Variants in SPAG16 observed in about 807,000 individuals in gnomAD.
SPAG16 encodes the protein sperm associated antigen 16.
SPAG16 carries 86 observed loss-of-function variants against 80.4 expected under a neutral mutation model. That is an observed-to-expected ratio of 1.07 (90% CI 0.90 to 1.28). The LOEUF is 1.28. Among genes scored for constraint, SPAG16 ranks in the 50% most tolerant of loss-of-function variants. The pLI is 0.00. For synonymous variants in SPAG16, 294 were observed against 265.9 expected, an observed-to-expected ratio of 1.11 and a Z score of -1.03; for missense variants, 870 against 765.3, an observed-to-expected ratio of 1.14 and a Z score of -1.61.
At chr2:213,343,387 T>C (rs979079031) in intron 6 of SPAG16, among the ~76,000 whole-genome samples, 1 of 152,148 alleles carries the variant, frequency 6.6e-6, no homozygotes, top group African/African-American at 2.4e-5. Flanking sequence ...GGAAATTAAC[T>C]GTCTGTCAGA....
At chr2:213,877,522 G>T (rs116356371) in intron 11 of SPAG16, among the ~76,000 whole-genome samples, 2,184 of 152,154 alleles carry the variant, frequency 0.014, 42 homozygotes, top group African/African-American at 0.049. Flanking sequence ...ACTATATTGT[G>T]CAAGCTAATC....
intron 15 of SPAG16, among the ~76,000 whole-genome samples, chr2:214,393,496 A>G (rs886106591): frequency 1.7e-4 from 26 of 152,086 alleles, no homozygotes; most frequent in African/African-American, 6.0e-4. Context: ...TTTCAGGTCT[A>G]AAAAATTTTT....
chr2:213,423,744 A>G (rs563362031), intron 9 of SPAG16, among the ~76,000 whole-genome samples: 1 of 152,230 alleles, frequency 6.6e-6, no homozygotes. Flanking sequence ...AGGTAAAAAT[A>G]CTAAAGCCCA....
intron 10 of SPAG16, among the ~76,000 whole-genome samples, chr2:213,841,886 T>A (rs2074380192): frequency 6.6e-6 from 1 of 152,170 alleles, no homozygotes; most frequent in Non-Finnish European, 1.5e-5. Context: ...CTACATTCTT[T>A]AGGATCTACA....
At chr2:214,293,368 A>G (rs1217803303) in intron 15 of SPAG16, among the ~76,000 whole-genome samples, 3 of 152,174 alleles carry the variant, frequency 2.0e-5, no homozygotes, top group Non-Finnish European at 4.4e-5. Context: ...CAGTGGTGGT[A>G]TTGGTAGGTT....
intron 15 of SPAG16, among the ~76,000 whole-genome samples, chr2:214,218,734 T>G (rs1242469667): frequency 6.6e-6 from 1 of 152,210 alleles, no homozygotes. Flanking sequence ...ACATTGAAGA[T>G]GCATGGCAGG....
chr2:213,338,718 T>C (rs569651710), intron 5 of SPAG16, among the ~76,000 whole-genome samples: 1 of 152,250 alleles, frequency 6.6e-6, no homozygotes, highest in South Asian at 2.1e-4. Flanking sequence ...TGTAGCGACA[T>C]GGATGGAGTT....
intron 15 of SPAG16, among the ~76,000 whole-genome samples, chr2:214,244,735 A>C (rs1693358692): frequency 6.6e-6 from 1 of 152,134 alleles, no homozygotes; most frequent in African/African-American, 2.4e-5. Context: ...TTAAATAAAT[A>C]ACACTGGAAT....
chr2:214,058,761 A>C (rs749145100), intron 13 of SPAG16, among the ~76,000 whole-genome samples: 37 of 152,164 alleles, frequency 2.4e-4, no homozygotes, highest in Non-Finnish European at 4.7e-4. Context: ...AAGGAAAACA[A>C]ACAATATATT....
chr2:213,894,138 G>A (rs1047194088), intron 11 of SPAG16, among the ~76,000 whole-genome samples: 3 of 152,066 alleles, frequency 2.0e-5, no homozygotes, highest in Non-Finnish European at 2.9e-5. Context: ...GGCTATAAAG[G>A]AGGCCAAAAG....
rs543008405 is a variant in SPAG16, at chr2:213,740,425, T to G, written c.1071-122060T>G. On this transcript the variant is annotated intron_variant, in intron 10 of 15. Transcript: ENST00000331683. Reference sequence around the variant, plus strand: ...TGGGAGTGGACCAGAAAGGAACAGCTGCTCACTACCAAAAAGAGGTGAGTG... The same window carrying G: ...TGGGAGTGGACCAGAAAGGAACAGCGGCTCACTACCAAAAAGAGGTGAGTG... 5.4e-4 allele frequency among the ~76,000 whole-genome samples: 82 copies of G among 152,328 alleles called. 1 individual carries two copies. Among genetic ancestry groups the G allele is most frequent in the African/African-American group, 1.8e-3 (75 of 41,576 alleles).
intron 10 of SPAG16, among the ~76,000 whole-genome samples, chr2:213,807,841 C>T (rs2071867187): frequency 6.6e-6 from 1 of 152,196 alleles, no homozygotes; most frequent in Non-Finnish European, 1.5e-5. Context: ...AAGTTCTTTG[C>T]AGTGAAGATT....
chr2:213,644,954 C>T (rs1181380679), intron 10 of SPAG16, among the ~76,000 whole-genome samples: 1 of 152,228 alleles, frequency 6.6e-6, no homozygotes, highest in Non-Finnish European at 1.5e-5. Flanking sequence ...GGCGATGTCC[C>T]TCAGGCCCTG....
intron 15 of SPAG16, among the ~76,000 whole-genome samples, chr2:214,222,110 C>CTTTTTTTTTTTTTT (rs10694178): frequency 9.6e-6 from 1 of 103,628 alleles, no homozygotes; most frequent in Non-Finnish European, 1.8e-5. Flanking sequence ...CCTTGCTATT[C>CTTTTTTTTTTTTTT]TTTTTTTTTT....
intron 15 of SPAG16, among the ~76,000 whole-genome samples, chr2:214,373,668 C>T (rs1699948455): frequency 6.6e-6 from 1 of 152,094 alleles, no homozygotes; most frequent in South Asian, 2.1e-4. Flanking sequence ...GATGATTTTG[C>T]TGATGGGAGT....
chr2:214,187,184 A>C (rs1486451979), intron 15 of SPAG16, among the ~76,000 whole-genome samples: 1 of 151,922 alleles, frequency 6.6e-6, no homozygotes, highest in East Asian at 1.9e-4. Flanking sequence ...CGTTAAGTGT[A>C]AGTACATACA....
At chr2:214,177,872 TAAGTTAAAAAAGCAGA>T (rs1295229559) in intron 15 of SPAG16, among the ~76,000 whole-genome samples, 7 of 134,754 alleles carry the variant, frequency 5.2e-5, no homozygotes, top group African/African-American at 1.9e-4. Flanking sequence ...AGGTAAATTT[TAAGTTAAAAAAGCAGA>T]ATATATATAT....
chr2:214,127,249 C>T (rs2054539959), intron 14 of SPAG16, among the ~76,000 whole-genome samples: 1 of 151,758 alleles, frequency 6.6e-6, no homozygotes, highest in Admixed American at 6.7e-5. Flanking sequence ...AATTAAGTGT[C>T]TGCCTCATTA....
chr2:214,222,470 C>T (rs753325270), intron 15 of SPAG16, among the ~76,000 whole-genome samples: 12 of 152,124 alleles, frequency 7.9e-5, no homozygotes, highest in Admixed American at 2.0e-4. Context: ...CAGAAATGAA[C>T]CAGCCACCTA....
Sources: allele counts gnomAD v4.1 joint callset (sites outside exome capture counted in the v4.1 genomes callset), GRCh38; gene constraint gnomAD v4.1.1; transcripts MANE v1.5; gene names NCBI Gene and HGNC (gene_info 2026-07-23, HGNC 2026-07-21).